ST6GAL1: variants seen among roughly 807,000 people sequenced by gnomAD.
ST6GAL1 encodes the protein ST6 beta-galactoside alpha-2,6-sialyltransferase 1, also known as beta-galactoside alpha-2,6-sialyltransferase 1.
In ST6GAL1, 20 loss-of-function variants were observed where a neutral mutation model predicts 38.0. That is an observed-to-expected ratio of 0.53 (90% CI 0.37 to 0.77). The LOEUF (loss-of-function observed/expected upper bound fraction) is 0.77, where lower values mean the gene tolerates loss of function less well. ST6GAL1 is among the 30% of genes least tolerant of loss of function. The probability of loss-of-function intolerance (pLI) is 0.00; values close to 1 mark genes in which losing one functional copy is unlikely to be tolerated. For missense variants in ST6GAL1, 432 were observed against 496.4 expected, an observed-to-expected ratio of 0.87 and a Z score of 1.23; for synonymous variants, 196 against 188.2, an observed-to-expected ratio of 1.04 and a Z score of -0.34.
chr3:187,054,852 G>A (rs1453812278), intron 5 of ST6GAL1, among the ~76,000 whole-genome samples: 1 of 152,096 alleles, frequency 6.6e-6, no homozygotes, highest in African/African-American at 2.4e-5. Flanking sequence ...TGTATTGATT[G>A]GAATAGTTTC....
chr3:186,938,028 C>T lies in ST6GAL1; in HGVS notation c.-325+7194C>T, dbSNP rs189439208. On this transcript the variant is annotated intron_variant, in intron 1 of 7. Transcript: ENST00000169298. The stretch of plus-strand genomic sequence containing the variant: ...GGCGGAGGTTGCAGTGAGCTGAGAT[C>T]GCACCACTGCACTGCAGACTGGGTG... 2.5e-4 allele frequency among the ~76,000 whole-genome samples: 38 copies of T among 152,196 alleles called. No individual in the cohort carries two copies. The East Asian group carries it at 7.0e-3, about 28-fold the overall frequency.
chr3:187,066,609 T>C lies in ST6GAL1; in HGVS notation c.706-6240T>C, dbSNP rs113636355. ...GAAGATGTGCGTGCGTGCGTGTGTG[T>C]GTGTGTGTGTGTGTGTGTGTGTTTC... On this transcript the variant is annotated intron_variant, in intron 5 of 7. Transcript: ENST00000169298. Among the ~76,000 whole-genome samples the C allele has an allele frequency of 6.6e-3, 1,004 of 151,326 alleles. 6 individuals are homozygous for C. The highest frequency in any genetic ancestry group is 0.023 in the African/African-American group (945 of 41,110).
chr3:187,015,317 T>A (rs1717080722), intron 2 of ST6GAL1, among the ~76,000 whole-genome samples: 1 of 152,224 alleles, frequency 6.6e-6, no homozygotes, highest in South Asian at 2.1e-4. Context: ...AAATCCCAAA[T>A]GTTGATTCTG....
At chr3:186,985,781 AAAAAAAG>A (rs1250624622) in intron 2 of ST6GAL1, among the ~76,000 whole-genome samples, 3 of 151,188 alleles carry the variant, frequency 2.0e-5, no homozygotes, top group South Asian at 4.2e-4. Flanking sequence ...TCTCAAAAAA[AAAAAAAG>A]AAAAAAGAAA....
At chr3:186,992,613 G>C (rs867157604) in intron 2 of ST6GAL1, among the ~76,000 whole-genome samples, 1 of 152,136 alleles carries the variant, frequency 6.6e-6, no homozygotes, top group Non-Finnish European at 1.5e-5. Flanking sequence ...GGCCAACATG[G>C]TGAAACCCCG....
chr3:186,938,414 T>G (rs1029346241), intron 1 of ST6GAL1, among the ~76,000 whole-genome samples: 1 of 152,186 alleles, frequency 6.6e-6, no homozygotes, highest in African/African-American at 2.4e-5. Flanking sequence ...TCTCATAGGG[T>G]GATTATGAGC....
intron 2 of ST6GAL1, among the ~76,000 whole-genome samples, chr3:187,004,880 C>T (rs1401340176): frequency 1.3e-5 from 2 of 152,122 alleles, no homozygotes; most frequent in Non-Finnish European, 2.9e-5. Context: ...CTTTTACAAC[C>T]TTTCTATCTT....
At chr3:187,066,819 C>G (rs1719160898) in intron 5 of ST6GAL1, among the ~76,000 whole-genome samples, 1 of 152,210 alleles carries the variant, frequency 6.6e-6, no homozygotes, top group East Asian at 1.9e-4. Context: ...TCCCCTGCCC[C>G]CTAAGAGGAT....
chr3:187,066,895 C>T (rs1399303292), intron 5 of ST6GAL1, among the ~76,000 whole-genome samples: 1 of 151,888 alleles, frequency 6.6e-6, no homozygotes, highest in Non-Finnish European at 1.5e-5. Flanking sequence ...TTTATTCTTC[C>T]AGGAACAGCT....
chr3:187,021,910 G>A (rs1579328828), intron 2 of ST6GAL1: 1 of 152,162 alleles, frequency 6.6e-6, no homozygotes. Flanking sequence ...CAACCAGGGA[G>A]GGCGTGGAAG....
chr3:187,040,372 G>A (rs538429804), intron 3 of ST6GAL1, among the ~76,000 whole-genome samples: 1 of 152,194 alleles, frequency 6.6e-6, no homozygotes, highest in Admixed American at 6.5e-5. Flanking sequence ...CCTTGAGTCC[G>A]ACTTGATCAC....
intron 2 of ST6GAL1, among the ~76,000 whole-genome samples, chr3:187,007,659 C>A (rs1309456624): frequency 1.3e-5 from 2 of 152,150 alleles, no homozygotes; most frequent in Admixed American, 1.3e-4. Flanking sequence ...TACTCAATAT[C>A]AAAACAACCT....
chr3:186,939,119 G>T (rs1714071887), intron 1 of ST6GAL1, among the ~76,000 whole-genome samples: 1 of 151,302 alleles, frequency 6.6e-6, no homozygotes. Context: ...TGTCACCCAG[G>T]CTGGAGTGCA....
chr3:187,034,523 C>T (rs976356680), intron 2 of ST6GAL1, among the ~76,000 whole-genome samples: 3 of 152,088 alleles, frequency 2.0e-5, no homozygotes, highest in East Asian at 1.9e-4. Flanking sequence ...ACTAGCATAC[C>T]GAATCCAGCA....
Position 186,996,345 on chromosome 3 carries a change from G to T in ST6GAL1, c.-183+32419G>T, listed in dbSNP as rs534112571. ...TTGGAATTAGGAAGAAACATGTTAT[G>T]ATGTAGAAAAGCCTGCTCTGTTACC... On this transcript the variant is annotated intron_variant, in intron 2 of 7. Coordinates refer to ENST00000169298, the MANE Select transcript of ST6GAL1 (RefSeq NM_173216.2). Among the ~76,000 whole-genome samples, 45 of 152,312 alleles carry T rather than the reference G, an allele frequency of 3.0e-4. 1 individual carries two copies. In the South Asian group the frequency reaches 9.1e-3, roughly 31 times the overall value.
chr3:186,935,926 AAGTG>A lies in ST6GAL1; in HGVS notation c.-325+5096_-325+5099del, dbSNP rs372531590. 2.1e-3 allele frequency among the ~76,000 whole-genome samples: 323 copies of A among 152,322 alleles called. 3 individuals are homozygous for A. The highest frequency in any genetic ancestry group is 7.5e-3 in the African/African-American group (310 of 41,578). ...AAAAAAACCCAGAACCTTCACACAT[AAGTG>A]AGTAATATCTCAAGTCATTCTATTT... On this transcript the variant is annotated intron_variant, in intron 1 of 7. Coordinates refer to ENST00000169298, the MANE Select transcript of ST6GAL1 (RefSeq NM_173216.2).
intron 2 of ST6GAL1, among the ~76,000 whole-genome samples, chr3:187,004,943 T>C (rs1015687872): frequency 6.6e-6 from 1 of 152,190 alleles, no homozygotes; most frequent in Non-Finnish European, 1.5e-5. Context: ...ACTTATTGAG[T>C]GCCAGGGCAT....
intron 2 of ST6GAL1, among the ~76,000 whole-genome samples, chr3:186,981,718 GAGAA>G (rs1349871822): frequency 5.3e-5 from 8 of 152,210 alleles, no homozygotes; most frequent in African/African-American, 1.9e-4. Context: ...TCAGAGCTGG[GAGAA>G]AGACTCAACC....
intron 2 of ST6GAL1, among the ~76,000 whole-genome samples, chr3:187,003,428 G>T (rs1190758082): frequency 6.6e-6 from 1 of 152,150 alleles, no homozygotes; most frequent in Non-Finnish European, 1.5e-5. Flanking sequence ...ACTCTGTGGC[G>T]CAGTCCAGTT....
Sources: allele counts gnomAD v4.1 joint callset (sites outside exome capture counted in the v4.1 genomes callset), GRCh38; gene constraint gnomAD v4.1.1; transcripts MANE v1.5; gene names NCBI Gene and HGNC (gene_info 2026-07-23, HGNC 2026-07-21).